Variants in ACTR3C observed in about 807,000 individuals in gnomAD.
ACTR3C encodes the protein actin related protein 3C.
In ACTR3C, 18 loss-of-function variants were observed where a neutral mutation model predicts 26.3. The ratio of observed to expected loss-of-function variants is 0.68; its 90% confidence interval spans 0.47 to 1.01. ACTR3C has a LOEUF of 1.01. Among genes scored for constraint, ACTR3C ranks in the 50% least tolerant of loss-of-function variants. ACTR3C has a pLI of 0.00. For synonymous variants in ACTR3C, 55 were observed against 94.5 expected, an observed-to-expected ratio of 0.58 and a Z score of 2.42; for missense variants, 184 against 250.7, an observed-to-expected ratio of 0.73 and a Z score of 1.80.
chr7:150,182,852 A>C, the ACTR3C span, among the ~76,000 whole-genome samples: 1 of 151,086 alleles, frequency 6.6e-6, no homozygotes, highest in Non-Finnish European at 1.5e-5. Flanking sequence ...GCATAATGCT[A>C]ACTAAATATT....
chr7:150,039,804 T>TCCCCA, the ACTR3C span, among the ~76,000 whole-genome samples: 1 of 113,134 alleles, frequency 8.8e-6, no homozygotes, highest in Non-Finnish European at 1.9e-5. Context: ...TGGCTCTCAG[T>TCCCCA]CCCTGCCTCG....
the ACTR3C span, among the ~76,000 whole-genome samples, chr7:150,012,567 G>A: frequency 7.0e-4 from 105 of 150,112 alleles, no homozygotes; most frequent in African/African-American, 2.4e-3. Context: ...CTCCCGCCTC[G>A]GCCTCCCAAA....
downstream of ACTR3C, among the ~76,000 whole-genome samples, chr7:150,239,165 A>G (rs1832034164): frequency 6.6e-6 from 1 of 151,658 alleles, no homozygotes; most frequent in Non-Finnish European, 1.5e-5. Context: ...GCTGCTTCCC[A>G]CATTTGGAGC....
the ACTR3C span, among the ~76,000 whole-genome samples, chr7:150,017,760 T>C: frequency 6.7e-6 from 1 of 149,844 alleles, no homozygotes; most frequent in Non-Finnish European, 1.5e-5. Flanking sequence ...TTATCCCCCA[T>C]CTCTACGTCC....
chr7:150,316,493 T>A (rs1263889312), intron 1 of ACTR3C, among the ~76,000 whole-genome samples: 2 of 147,250 alleles, frequency 1.4e-5, no homozygotes, highest in Non-Finnish European at 3.0e-5. Flanking sequence ...ATTTTTTTTT[T>A]TTTTTTTTTT....
the ACTR3C span, among the ~76,000 whole-genome samples, chr7:150,160,745 C>T: frequency 3.9e-5 from 6 of 151,976 alleles, no homozygotes; most frequent in Non-Finnish European, 7.4e-5. Context: ...GTCTCACACC[C>T]ACTCTACCTC....
the ACTR3C span, among the ~76,000 whole-genome samples, chr7:150,053,947 A>G: frequency 6.6e-6 from 1 of 152,254 alleles, no homozygotes; most frequent in Non-Finnish European, 1.5e-5. Context: ...AGAAATAACA[A>G]AATAAGAAAA....
chr7:149,998,602 G>A, the ACTR3C span, among the ~76,000 whole-genome samples: 1 of 149,280 alleles, frequency 6.7e-6, no homozygotes, highest in Non-Finnish European at 1.5e-5. Flanking sequence ...CAGATCTCGT[G>A]AGAACTCACT....
chr7:149,889,286 G>A, the ACTR3C span, among the ~76,000 whole-genome samples: 1 of 152,032 alleles, frequency 6.6e-6, no homozygotes, highest in African/African-American at 2.4e-5. Flanking sequence ...ACCCCAAAGA[G>A]CAAAATGTCA....
At chr7:150,257,782 A>G (rs977601037) in intron 6 of ACTR3C, among the ~76,000 whole-genome samples, 19 of 152,224 alleles carry the variant, frequency 1.2e-4, no homozygotes, top group Admixed American at 1.0e-3. Context: ...AGAGAAGGTC[A>G]TAGTCCAAGA....
the ACTR3C span, among the ~76,000 whole-genome samples, chr7:149,883,026 A>G: frequency 0.03 from 4,558 of 152,308 alleles, 175 homozygotes; most frequent in African/African-American, 0.095. Flanking sequence ...ACACACATGC[A>G]TGTACATCTC....
At chr7:150,181,849 A>G in the ACTR3C span, among the ~76,000 whole-genome samples, 1 of 150,598 alleles carries the variant, frequency 6.6e-6, no homozygotes, top group African/African-American at 2.5e-5. Flanking sequence ...AGTATAATTG[A>G]TTCAGTCAAC....
chr7:150,105,649 C>T, the ACTR3C span, among the ~76,000 whole-genome samples: 1 of 151,990 alleles, frequency 6.6e-6, no homozygotes, highest in Admixed American at 6.6e-5. Flanking sequence ...AGGCTGGTCC[C>T]TCAATTATTT....
At chr7:149,898,752 A>G in the ACTR3C span, among the ~76,000 whole-genome samples, 1 of 152,134 alleles carries the variant, frequency 6.6e-6, no homozygotes, top group Non-Finnish European at 1.5e-5. Flanking sequence ...ATAAATTAAA[A>G]CACATCACAC....
the ACTR3C span, among the ~76,000 whole-genome samples, chr7:150,025,514 T>A: frequency 1.4e-5 from 1 of 69,622 alleles, no homozygotes; most frequent in Admixed American, 1.4e-4. Flanking sequence ...GCCCCCTCTC[T>A]TTTCCCCAGC....
chr7:150,180,042 A>ATGCC, the ACTR3C span, among the ~76,000 whole-genome samples: 2 of 151,072 alleles, frequency 1.3e-5, no homozygotes, highest in Non-Finnish European at 2.9e-5. Context: ...GCAGTGGCTC[A>ATGCC]TGCCTGTAAT....
chr7:149,926,664 G>C, the ACTR3C span, among the ~76,000 whole-genome samples: 3,153 of 151,582 alleles, frequency 0.021, 88 homozygotes, highest in African/African-American at 0.06. Context: ...CCGGTTTCCT[G>C]TAGGCTCCAC....
chr7:149,961,753 G>A, the ACTR3C span, among the ~76,000 whole-genome samples: 1 of 152,088 alleles, frequency 6.6e-6, no homozygotes, highest in Non-Finnish European at 1.5e-5. Flanking sequence ...CACTCACAAT[G>A]TGGGCTCAAA....
At chr7:150,250,768 CG>C (rs1429511980) in intron 6 of ACTR3C, among the ~76,000 whole-genome samples, 1 of 151,732 alleles carries the variant, frequency 6.6e-6, no homozygotes, top group African/African-American at 2.4e-5. Flanking sequence ...AAGAAGACTG[CG>C]GGAGAGCAAG....
Sources: allele counts gnomAD v4.1 joint callset (sites outside exome capture counted in the v4.1 genomes callset), GRCh38; gene constraint gnomAD v4.1.1; transcripts MANE v1.5; gene names NCBI Gene and HGNC (gene_info 2026-07-23, HGNC 2026-07-21).